ARHGAP24: variants seen among roughly 807,000 people sequenced by gnomAD.
ARHGAP24 encodes rho GTPase-activating protein 24.
A neutral mutation model predicts 76.4 loss-of-function variants in ARHGAP24; 50 were observed. The observed-to-expected ratio is 0.65, with a 90% CI of 0.52 to 0.83. ARHGAP24 has a LOEUF of 0.83. Among genes scored for constraint, ARHGAP24 ranks in the 40% least tolerant of loss-of-function variants. ARHGAP24 has a pLI of 0.00. For missense variants in ARHGAP24, 930 were observed against 914.2 expected (o/e 1.02, Z -0.22); for synonymous variants, 345 against 323.3 (o/e 1.07, Z -0.72).
intron 4 of ARHGAP24, among the ~76,000 whole-genome samples, chr4:85,927,051 A>G (rs1736059271): frequency 6.6e-6 from 1 of 152,196 alleles, no homozygotes; most frequent in Non-Finnish European, 1.5e-5. Context: ...AATTGATACC[A>G]TCGAGCAATT....
chr4:85,801,699 A>G (rs1307872096), intron 3 of ARHGAP24, among the ~76,000 whole-genome samples: 2 of 152,252 alleles, frequency 1.3e-5, no homozygotes, highest in African/African-American at 2.4e-5. Flanking sequence ...TTGTGTAGGC[A>G]GCAGCTACTT....
intron 4 of ARHGAP24, among the ~76,000 whole-genome samples, chr4:85,935,305 C>G (rs1736568601): frequency 6.6e-6 from 1 of 152,174 alleles, no homozygotes; most frequent in East Asian, 1.9e-4. Context: ...TCTATGAATT[C>G]ACAGACTCCT....
intron 1 of ARHGAP24, among the ~76,000 whole-genome samples, chr4:85,562,422 G>T (rs1726634403): frequency 1.3e-5 from 2 of 151,536 alleles, no homozygotes; most frequent in South Asian, 4.2e-4. Context: ...ATGTGAATTT[G>T]TGTGTGTGTG....
chr4:85,926,637 A>G (rs1736037022), intron 4 of ARHGAP24, among the ~76,000 whole-genome samples: 1 of 152,226 alleles, frequency 6.6e-6, no homozygotes, highest in South Asian at 2.1e-4. Context: ...TAAACAATAA[A>G]GTTATATGAC....
intron 1 of ARHGAP24, among the ~76,000 whole-genome samples, chr4:85,541,281 G>C (rs1182035544): frequency 1.5e-5 from 2 of 131,440 alleles, no homozygotes; most frequent in Non-Finnish European, 3.0e-5. Context: ...AGCCTCCCAA[G>C]TAGCTGGGAC....
At chr4:85,918,899 A>G (rs1735563897) in intron 3 of ARHGAP24, among the ~76,000 whole-genome samples, 1 of 152,188 alleles carries the variant, frequency 6.6e-6, no homozygotes, top group Non-Finnish European at 1.5e-5. Context: ...AAAGTTGTAT[A>G]CTACTTTCCG....
At chr4:85,895,001 C>CAAAAAAAAAAA (rs1222078793) in intron 3 of ARHGAP24, among the ~76,000 whole-genome samples, 9 of 54,330 alleles carry the variant, frequency 1.7e-4, no homozygotes, top group East Asian at 2.7e-3. Context: ...AAACAAAAAG[C>CAAAAAAAAAAA]AAAAAAAAAA....
intron 3 of ARHGAP24, among the ~76,000 whole-genome samples, chr4:85,822,344 T>C (rs1318678075): frequency 6.6e-6 from 1 of 152,120 alleles, no homozygotes; most frequent in Admixed American, 6.5e-5. Context: ...GGCTTAAGAC[T>C]TTTGTGCTGA....
chr4:85,827,366 T>G (rs1729765598), intron 3 of ARHGAP24, among the ~76,000 whole-genome samples: 1 of 152,110 alleles, frequency 6.6e-6, no homozygotes, highest in Admixed American at 6.6e-5. Flanking sequence ...AGATCCTTCT[T>G]TAAGCCCTGT....
intron 3 of ARHGAP24, among the ~76,000 whole-genome samples, chr4:85,733,434 G>A (rs972860225): frequency 1.3e-5 from 2 of 151,990 alleles, no homozygotes; most frequent in Non-Finnish European, 2.9e-5. Context: ...AGGACTCTCT[G>A]GTCCCATATA....
intron 3 of ARHGAP24, among the ~76,000 whole-genome samples, chr4:85,783,551 A>G (rs986957451): frequency 1.3e-5 from 2 of 151,964 alleles, no homozygotes; most frequent in Non-Finnish European, 2.9e-5. Context: ...TCAGTCTAAT[A>G]TCTGTATCTA....
At position 86,000,743 on chromosome 4, in the gene ARHGAP24, T is replaced by C; in HGVS notation, c.*21T>C. 1.2e-6 allele frequency: 2 copies of C among 1,613,336 alleles called. No individual in the cohort carries two copies. Among genetic ancestry groups the C allele is most frequent in the Non-Finnish European group, 1.7e-6 (2 of 1,179,512 alleles). ...AGTGAGCCTGCTTTCGCCTGCTGTC[T>C]CTGATGGCTCTGGCAAGGACTCCAG... On this transcript the variant is annotated 3_prime_UTR_variant, in exon 10 of 10. Coordinates refer to ENST00000395184, the MANE Select transcript of ARHGAP24 (RefSeq NM_001025616.3).
At chr4:85,848,209 G>A in intron 3 of ARHGAP24, among the ~76,000 whole-genome samples, 1 of 152,084 alleles carries the variant, frequency 6.6e-6, no homozygotes, top group East Asian at 1.9e-4. Context: ...TATACTTTAA[G>A]TTCTAGGGTA....
intron 3 of ARHGAP24, among the ~76,000 whole-genome samples, chr4:85,780,535 T>C (rs17010884): frequency 0.097 from 14,822 of 152,160 alleles, 1,855 homozygotes; most frequent in East Asian, 0.61. Context: ...ACCTTCCATA[T>C]TGAAGAGTGA....
intron 3 of ARHGAP24, among the ~76,000 whole-genome samples, chr4:85,919,362 C>T (rs1378970284): frequency 6.6e-6 from 1 of 152,174 alleles, no homozygotes; most frequent in African/African-American, 2.4e-5. Context: ...TGCATTAGAA[C>T]AGATGGCACT....
chr4:85,638,904 A>G (rs1384659795), intron 2 of ARHGAP24, among the ~76,000 whole-genome samples: 1 of 152,204 alleles, frequency 6.6e-6, no homozygotes, highest in Non-Finnish European at 1.5e-5. Context: ...TTTAAGCATT[A>G]ACTTAGTCAC....
At chr4:85,668,564 AAACCT>A (rs1722718166) in intron 2 of ARHGAP24, among the ~76,000 whole-genome samples, 1 of 152,236 alleles carries the variant, frequency 6.6e-6, no homozygotes, top group Non-Finnish European at 1.5e-5. Context: ...GTAGAAGAAG[AAACCT>A]TTACTCTGGA....
intron 8 of ARHGAP24, 80 bp from the exon 9 acceptor site, chr4:85,994,503 G>A (rs1740525177): frequency 7.5e-7 from 1 of 1,338,792 alleles, no homozygotes; most frequent in South Asian, 1.2e-5. Flanking sequence ...TCTTGAATGT[G>A]TTTCTTTAAG....
chr4:85,703,056 A>C (rs1724158863), intron 2 of ARHGAP24, among the ~76,000 whole-genome samples: 1 of 152,012 alleles, frequency 6.6e-6, no homozygotes, highest in Admixed American at 6.6e-5. Context: ...TATAAAAGAA[A>C]CTAAGGATCC....
Sources: gnomAD v4.1 joint callset for allele counts (sites outside exome capture counted in the v4.1 genomes callset) on GRCh38, gnomAD v4.1.1 for gene constraint, MANE v1.5 for transcripts, NCBI Gene and HGNC (gene_info 2026-07-23, HGNC 2026-07-21) for gene names.